Variants in COL4A3 observed in about 807,000 individuals in gnomAD.
COL4A3 encodes the protein collagen alpha-3(IV) chain.
Under a neutral mutation model 217.4 loss-of-function variants are expected in COL4A3, and 135 were observed. The observed-to-expected ratio is 0.62, with a 90% CI of 0.54 to 0.72. The LOEUF is 0.72. COL4A3 is among the 30% of genes least tolerant of loss of function. The probability of loss-of-function intolerance (pLI) is 0.00; values close to 1 mark genes in which losing one functional copy is unlikely to be tolerated. For synonymous variants in COL4A3, 690 were observed against 736.3 expected, an observed-to-expected ratio of 0.94 and a Z score of 1.02; for missense variants, 1,868 against 2,119.9, an observed-to-expected ratio of 0.88 and a Z score of 2.33.
At chr2:227,276,628 C>T (rs2071583169) in intron 27 of COL4A3, 151 bp downstream of exon 27, 3 of 697,708 alleles carry the variant, frequency 4.3e-6, no homozygotes, top group African/African-American at 1.8e-5. Context: ...GATAAGCAAG[C>T]AGGCTGGGGA....
chr2:227,240,136 T>C lies in COL4A3; in HGVS notation c.145-7T>C. On this transcript the variant is annotated splice_region_variant and splice_polypyrimidine_tract_variant and intron_variant, in intron 2 of 51. Transcript: ENST00000396578. ...GTGTGTTTCTCACCTCGTTTTGGTT[T>C]TAACAGGGGGAGAAGGGCTTTCCTG... 2 of 1,602,182 alleles carry C rather than the reference T, an allele frequency of 1.2e-6. No homozygotes were observed. The highest frequency in any genetic ancestry group is 1.7e-6 in the Non-Finnish European group (2 of 1,174,142).
At chr2:227,196,392 A>G (rs2066479059) in intron 1 of COL4A3, among the ~76,000 whole-genome samples, 1 of 148,860 alleles carries the variant, frequency 6.7e-6, no homozygotes. Flanking sequence ...ATCTCGGCTC[A>G]CTGCAAGCTC....
intron 11 of COL4A3, among the ~76,000 whole-genome samples, chr2:227,252,046 G>C (rs2069774555): frequency 1.5e-5 from 2 of 131,458 alleles, no homozygotes; most frequent in South Asian, 5.4e-4. Flanking sequence ...TCCAGCCTGG[G>C]TGACAGAAAG....
At chr2:227,275,942 GA>G (rs55999568) in intron 26 of COL4A3, among the ~76,000 whole-genome samples, 120,266 of 149,628 alleles carry the variant, frequency 0.8, 48,697 homozygotes, top group Non-Finnish European at 0.88. Flanking sequence ...TTCCCTTTTA[GA>G]AAAAAAAAAA....
chr2:227,291,884 A>G (rs986349039), intron 37 of COL4A3, among the ~76,000 whole-genome samples: 2 of 152,146 alleles, frequency 1.3e-5, no homozygotes, highest in African/African-American at 4.8e-5. Context: ...TTCTCTTCCC[A>G]ATTATCTGAG....
At chr2:227,258,673 T>C (rs1274413428) in intron 18 of COL4A3, among the ~76,000 whole-genome samples, 4 of 152,184 alleles carry the variant, frequency 2.6e-5, no homozygotes, top group Non-Finnish European at 4.4e-5. Flanking sequence ...GAAACACTCA[T>C]GGCCTAATCA....
At position 227,305,044 on chromosome 2, in the gene COL4A3, G is replaced by C. The variant is rs2073446251; in HGVS notation, c.4213G>C (p.Ala1405Pro). The C allele has an allele frequency of 2.5e-6, 4 of 1,613,824 alleles. No individual in the cohort carries two copies. In the South Asian group the frequency reaches 4.4e-5, roughly 18 times the overall value. The change falls in exon 47 of 52, where the codon GCT becomes CCT. Residue 1405 changes from alanine (A) to proline (P), a missense_variant. Ala to Pro is a conservative substitution (Grantham distance 27). This residue lies in a region of COL4A3 where 1,503 missense variants were observed against 1,786.1 expected (regional missense o/e 0.84). Coordinates refer to ENST00000396578, the MANE Select transcript of COL4A3 (RefSeq NM_000091.5). ...KDGKPGTPGP[A>P]GEKGNKGSKG... ...TGGAAAACCAGGAACTCCTGGACCA[G>C]CTGGAGAAAAAGGCAACAAAGGTTC...
intron 31 of COL4A3, chr2:227,281,612 T>C (rs2071970745): frequency 1.3e-5 from 2 of 154,340 alleles, no homozygotes; most frequent in Admixed American, 6.4e-5. Flanking sequence ...TGGTCTATCA[T>C]ACTGCTTATA....
rs2106160244 is a variant in COL4A3 at position 227,282,133 on chromosome 2, A to G, written c.2489-232A>G. Among the ~76,000 whole-genome samples, 1 of 152,074 alleles carries G rather than the reference A, an allele frequency of 6.6e-6. No homozygotes were observed. The highest frequency in any genetic ancestry group is 3.4e-3 in the Middle Eastern group (1 of 294). ...TTAAAAATACAAAACTTAGCTATGCATTATGGTGCACGCCTGTAGTCCCAG... is the reference window on the plus strand; with the variant it reads ...TTAAAAATACAAAACTTAGCTATGCGTTATGGTGCACGCCTGTAGTCCCAG... On this transcript the variant is annotated intron_variant, in intron 31 of 51. Coordinates refer to ENST00000396578, the MANE Select transcript of COL4A3 (RefSeq NM_000091.5). The surrounding 1 kb of genome is among the most constrained non-coding windows in gnomAD (Gnocchi z 4.4).
At chr2:227,228,298 T>G (rs1019369933) in intron 1 of COL4A3, among the ~76,000 whole-genome samples, 14 of 152,230 alleles carry the variant, frequency 9.2e-5, no homozygotes, top group Non-Finnish European at 1.5e-4. Flanking sequence ...GGGCACATGG[T>G]TGGTTGCTTA....
intron 23 of COL4A3, among the ~76,000 whole-genome samples, chr2:227,268,167 C>A (rs957567905): frequency 1.3e-5 from 2 of 152,210 alleles, no homozygotes; most frequent in Admixed American, 1.3e-4. Context: ...AGTTACAGAG[C>A]CCTTGGCCTG....
chr2:227,189,236 A>G (rs1393046407), intron 1 of COL4A3, among the ~76,000 whole-genome samples: 3 of 152,170 alleles, frequency 2.0e-5, no homozygotes, highest in African/African-American at 7.2e-5. Context: ...GAGCACAGAA[A>G]AATCTTGAGC....
Position 227,311,991 on chromosome 2 carries a change from A to G in COL4A3, c.*121A>G. The G allele has an allele frequency of 6.6e-7, 1 of 1,507,100 alleles. No individual in the cohort carries two copies. The highest frequency in any genetic ancestry group is 9.0e-7 in the Non-Finnish European group (1 of 1,113,938). 93.4% of individuals were successfully genotyped at this position (1,507,100 alleles called of 1,614,324 possible). ...ATATTGCTCCATGATGACTTAGTAC[A>G]AAGTTTCAATTTGTTTCCCCACAAA... is the stretch of plus-strand genomic sequence containing the variant. On this transcript the variant is annotated 3_prime_UTR_variant, in exon 52 of 52. Transcript: ENST00000396578.
chr2:227,295,575 A>G (rs1386216028), intron 41 of COL4A3, among the ~76,000 whole-genome samples: 3 of 152,340 alleles, frequency 2.0e-5, no homozygotes, highest in East Asian at 1.9e-4. Context: ...ATTCTTCTGT[A>G]TATGTCTTGC....
chr2:227,283,756 T>G lies in COL4A3; in HGVS notation c.2657-11T>G, dbSNP rs767552164. On this transcript the variant is annotated splice_polypyrimidine_tract_variant and intron_variant, in intron 32 of 51. Transcript: ENST00000396578. ...CAACACGTGCTGCTTTGTGTTAATT[T>G]GTTTCCATAGGTGAAGATGGAGTGA... The G allele has an allele frequency of 1.9e-5, 30 of 1,612,416 alleles. No individual in the cohort carries two copies. Among genetic ancestry groups the G allele is most frequent in the Non-Finnish European group, 2.5e-5 (29 of 1,178,384 alleles).
intron 1 of COL4A3, among the ~76,000 whole-genome samples, chr2:227,197,241 G>A (rs998254267): frequency 2.6e-5 from 4 of 151,922 alleles, no homozygotes; most frequent in African/African-American, 9.7e-5. Flanking sequence ...TTTTGAGATG[G>A]AGTCTCGCTC....
At chr2:227,172,104 G>A (rs570634875) in intron 1 of COL4A3, among the ~76,000 whole-genome samples, 10 of 152,224 alleles carry the variant, frequency 6.6e-5, no homozygotes, top group Admixed American at 3.9e-4. Flanking sequence ...GTTAAACTCC[G>A]CCATTTTGCC....
chr2:227,273,117 G>A lies in COL4A3; in HGVS notation c.1927G>A (p.Gly643Ser), dbSNP rs778034451. ...PGAPGPPGEA[G>S]PRGELSVSTP... ...AGCCCCCGGACCACCCGGAGAAGCCGGTTGGTTAGTTTTCTTTCCAGTCCT... is the reference window on the plus strand; with the variant it reads ...AGCCCCCGGACCACCCGGAGAAGCCAGTTGGTTAGTTTTCTTTCCAGTCCT... Residue 643 changes from glycine (G) to serine (S), a missense_variant and splice_region_variant, in exon 26 of 52, where the codon GGC (glycine) becomes AGC (serine). Physicochemically the swap from Gly to Ser is moderately conservative, Grantham distance 56. Transcript: ENST00000396578. 14 of 1,613,180 alleles carry A rather than the reference G, an allele frequency of 8.7e-6. No individual in the cohort carries two copies. Among genetic ancestry groups the A allele is most frequent in the African/African-American group, 2.7e-5 (2 of 74,888 alleles).
At chr2:227,196,570 G>A (rs1167107533) in intron 1 of COL4A3, among the ~76,000 whole-genome samples, 2 of 152,140 alleles carry the variant, frequency 1.3e-5, no homozygotes, top group Non-Finnish European at 2.9e-5. Context: ...GCCCGCCTCA[G>A]CCTCCCAAAG....
Sources: allele counts gnomAD v4.1 joint callset (sites outside exome capture counted in the v4.1 genomes callset), GRCh38; gene constraint gnomAD v4.1.1; regional missense constraint gnomAD v4.1.1; non-coding constraint Gnocchi (gnomAD v3.1); transcripts MANE v1.5; gene names NCBI Gene and HGNC (gene_info 2026-07-23, HGNC 2026-07-21).